The following SPATS2L variants were observed in gnomAD, a reference collection of about 807,000 sequenced individuals.
SPATS2L encodes the protein spermatogenesis associated serine rich 2 like.
A neutral mutation model predicts 59.6 loss-of-function variants in SPATS2L; 30 were observed. That is an observed-to-expected ratio of 0.50 (90% CI 0.38 to 0.68). The LOEUF (loss-of-function observed/expected upper bound fraction) is 0.68, where lower values mean the gene tolerates loss of function less well. Ranked by LOEUF, SPATS2L falls within the 30% of genes least tolerant of loss-of-function variation. The probability of loss-of-function intolerance (pLI) is 0.00; values close to 1 mark genes in which losing one functional copy is unlikely to be tolerated. For missense variants in SPATS2L, 615 were observed against 700.0 expected (o/e 0.88, Z 1.37); for synonymous variants, 252 against 263.5 (o/e 0.96, Z 0.42).
chr2:200,435,999 A>G (rs773621016), intron 6 of SPATS2L, among the ~76,000 whole-genome samples: 2 of 152,168 alleles, frequency 1.3e-5, no homozygotes, highest in Non-Finnish European at 2.9e-5. Context: ...ACATTTCAGC[A>G]TATACATTAC....
intron 2 of SPATS2L, among the ~76,000 whole-genome samples, chr2:200,345,313 A>G (rs1343785634): frequency 6.6e-6 from 1 of 152,094 alleles, no homozygotes; most frequent in Admixed American, 6.6e-5. Flanking sequence ...CCAGCAACAA[A>G]GGTTATTTTA....
At chr2:200,308,136 G>T (rs116269115) in intron 1 of SPATS2L, among the ~76,000 whole-genome samples, 2,137 of 151,788 alleles carry the variant, frequency 0.014, 43 homozygotes, top group African/African-American at 0.049. Context: ...TGTCTTAAAG[G>T]AAGGTTTCAG....
At chr2:200,364,886 A>G (rs1410867241) in intron 2 of SPATS2L, among the ~76,000 whole-genome samples, 2 of 152,166 alleles carry the variant, frequency 1.3e-5, no homozygotes, top group Non-Finnish European at 2.9e-5. Context: ...CAGTTCAGGG[A>G]TGACTGGGCT....
intron 2 of SPATS2L, among the ~76,000 whole-genome samples, chr2:200,363,687 G>A (rs572929590): frequency 2.0e-5 from 3 of 152,326 alleles, no homozygotes; most frequent in Admixed American, 2.0e-4. Flanking sequence ...CTGGTCATTT[G>A]TTTGATATAC....
At chr2:200,390,805 C>T (rs1282559680) in intron 3 of SPATS2L, 1 of 150,054 alleles carries the variant, frequency 6.7e-6, no homozygotes, top group African/African-American at 2.5e-5. Flanking sequence ...TCTTCACTAA[C>T]ATCTAAATGA....
At position 200,433,761 on chromosome 2, in the gene SPATS2L, A is replaced by C. The variant is rs554778807; in HGVS notation, c.446-5361A>C. ...ATTCTTTAAAAACACAACTTACCAA[A>C]ACAGACAAGAAGAAATAGAAAATCT... On this transcript the variant is annotated intron_variant, in intron 6 of 12. Transcript: ENST00000409140. Among the ~76,000 whole-genome samples the C allele has an allele frequency of 2.6e-5, 4 of 152,228 alleles. No individual in the cohort carries two copies. The South Asian group carries it at 8.3e-4, about 32-fold the overall frequency.
intron 2 of SPATS2L, among the ~76,000 whole-genome samples, chr2:200,381,473 C>T (rs1373251655): frequency 6.6e-6 from 1 of 152,182 alleles, no homozygotes; most frequent in East Asian, 1.9e-4. Flanking sequence ...GAAGTTCTTC[C>T]AACTCTCCCT....
At chr2:200,332,125 T>G (rs1443872172) in intron 2 of SPATS2L, among the ~76,000 whole-genome samples, 1 of 150,322 alleles carries the variant, frequency 6.7e-6, no homozygotes, top group African/African-American at 2.5e-5. Context: ...AGGAAAAATT[T>G]TATTACAATA....
At chr2:200,389,317 T>G in intron 3 of SPATS2L, 34 bp downstream of exon 3, 1 of 1,486,152 alleles carries the variant, frequency 6.7e-7, no homozygotes, top group Non-Finnish European at 9.2e-7. Context: ...TCACAGAAAC[T>G]CCAAACTAGG....
intron 2 of SPATS2L, chr2:200,372,263 C>T (rs1559075662): frequency 1.1e-6 from 1 of 904,152 alleles, no homozygotes; most frequent in African/African-American, 1.8e-5. Flanking sequence ...TAAGTGAATT[C>T]CCTCTCCATT....
chr2:200,369,482 G>C (rs185379482), intron 2 of SPATS2L, among the ~76,000 whole-genome samples: 2 of 152,142 alleles, frequency 1.3e-5, no homozygotes, highest in East Asian at 3.9e-4. Flanking sequence ...CATTTAAAAA[G>C]AATGCAGGGA....
At chr2:200,420,750 A>C (rs2083276260) in intron 6 of SPATS2L, among the ~76,000 whole-genome samples, 1 of 152,160 alleles carries the variant, frequency 6.6e-6, no homozygotes, top group South Asian at 2.1e-4. Flanking sequence ...GTCTAGACTC[A>C]CATAATTATA....
chr2:200,351,767 G>A (rs1419397228), intron 2 of SPATS2L, among the ~76,000 whole-genome samples: 2 of 152,082 alleles, frequency 1.3e-5, no homozygotes, highest in Non-Finnish European at 2.9e-5. Context: ...TAACAATGAT[G>A]TAGTCTTTGG....
At chr2:200,391,536 C>G (rs1180962079) in intron 3 of SPATS2L, among the ~76,000 whole-genome samples, 1 of 152,200 alleles carries the variant, frequency 6.6e-6, no homozygotes, top group African/African-American at 2.4e-5. Context: ...GTTTGGAACC[C>G]ATAATACTGC....
At chr2:200,326,611 CA>C (rs752625048) in intron 1 of SPATS2L, among the ~76,000 whole-genome samples, 2 of 152,112 alleles carry the variant, frequency 1.3e-5, no homozygotes, top group Non-Finnish European at 2.9e-5. Flanking sequence ...CTTTCAGAGC[CA>C]GTTTAGGAAC....
intron 3 of SPATS2L, chr2:200,390,250 G>C (rs2105928355): frequency 6.6e-6 from 1 of 152,356 alleles, no homozygotes; most frequent in African/African-American, 2.4e-5. Flanking sequence ...CTTAGCAACA[G>C]GGTAATAGAC....
At chr2:200,325,868 T>C (rs2105782956) in intron 1 of SPATS2L, among the ~76,000 whole-genome samples, 2 of 152,318 alleles carry the variant, frequency 1.3e-5, no homozygotes, top group South Asian at 4.1e-4. Flanking sequence ...ATTTATTTAC[T>C]ATGTGTTATC....
chr2:200,306,029 G>C (rs934026756), upstream of SPATS2L: 6 of 985,068 alleles, frequency 6.1e-6, no homozygotes, highest in African/African-American at 1.7e-5. Flanking sequence ...TGTGTAACTT[G>C]GTTATTACAC....
chr2:200,361,085 C>CA (rs1559067529), intron 2 of SPATS2L, among the ~76,000 whole-genome samples: 2 of 137,342 alleles, frequency 1.5e-5, no homozygotes. Flanking sequence ...CCCCACCCCC[C>CA]CACACACACA....
Sources: gnomAD v4.1 joint callset for allele counts (sites outside exome capture counted in the v4.1 genomes callset) on GRCh38, gnomAD v4.1.1 for gene constraint, MANE v1.5 for transcripts, NCBI Gene and HGNC (gene_info 2026-07-23, HGNC 2026-07-21) for gene names.